CSMD1: variants seen among roughly 807,000 people sequenced by gnomAD.
CSMD1 encodes the protein CUB and sushi domain-containing protein 1.
CSMD1 carries 213 observed loss-of-function variants against 417.5 expected under a neutral mutation model. The ratio of observed to expected loss-of-function variants is 0.51; its 90% CI spans 0.46 to 0.57. The LOEUF (loss-of-function observed/expected upper bound fraction) is 0.57, where lower values mean the gene tolerates loss of function less well. CSMD1 is among the 20% of genes least tolerant of loss of function. The pLI, the probability that CSMD1 is intolerant of heterozygous loss-of-function variation, is 0.00. For missense variants in CSMD1, 6,923 were observed against 4,529.7 expected (o/e 1.53, Z -15.17); for synonymous variants, 2,862 against 1,736.8 (o/e 1.65, Z -16.11).
intron 42 of CSMD1, among the ~76,000 whole-genome samples, chr8:3,117,086 TTTGAGACAG>T (rs1816918075): frequency 6.6e-6 from 1 of 152,108 alleles, no homozygotes; most frequent in South Asian, 2.1e-4. Context: ...ATTTATTTAT[TTTGAGACAG>T]AGTCTCACTC....
chr8:4,412,453 G>T (rs1198803024), intron 3 of CSMD1, among the ~76,000 whole-genome samples: 1 of 152,170 alleles, frequency 6.6e-6, no homozygotes, highest in African/African-American at 2.4e-5. Context: ...GGCCTCAACA[G>T]AAGCCGGGCA....
chr8:4,947,614 G>C (rs147781704), intron 1 of CSMD1, among the ~76,000 whole-genome samples: 5 of 151,904 alleles, frequency 3.3e-5, no homozygotes, highest in African/African-American at 1.2e-4. Context: ...GTAAACTTAC[G>C]GCATTCTTCT....
chr8:4,632,564 G>A (rs748602686), intron 2 of CSMD1, among the ~76,000 whole-genome samples: 2 of 152,196 alleles, frequency 1.3e-5, no homozygotes, highest in South Asian at 4.1e-4. Flanking sequence ...CACAGGAGAA[G>A]ACACATTCAG....
At chr8:4,177,145 C>G (rs186804298) in intron 3 of CSMD1, among the ~76,000 whole-genome samples, 133 of 152,230 alleles carry the variant, frequency 8.7e-4, no homozygotes, top group African/African-American at 3.2e-3. Flanking sequence ...CAGCACCACA[C>G]CACACCTATT....
chr8:3,088,301 C>A (rs541960865), intron 48 of CSMD1, among the ~76,000 whole-genome samples: 2 of 152,186 alleles, frequency 1.3e-5, no homozygotes, highest in African/African-American at 2.4e-5. Context: ...CACTACTACA[C>A]AAAATCCTAG....
At chr8:3,951,000 C>G (rs2912291) in intron 5 of CSMD1, among the ~76,000 whole-genome samples, 42,567 of 152,122 alleles carry the variant, frequency 0.28, 6,534 homozygotes, top group Non-Finnish European at 0.34. Context: ...CATAATTCAA[C>G]TGAGCCCCGT....
At chr8:4,693,057 C>G (rs1806878330) in intron 1 of CSMD1, among the ~76,000 whole-genome samples, 1 of 152,206 alleles carries the variant, frequency 6.6e-6, no homozygotes, top group Admixed American at 6.5e-5. Context: ...TGCTGTGATA[C>G]TGACTACACT....
chr8:4,286,536 C>T (rs1341060834), intron 3 of CSMD1, among the ~76,000 whole-genome samples: 1 of 152,048 alleles, frequency 6.6e-6, no homozygotes, highest in Non-Finnish European at 1.5e-5. Flanking sequence ...AATATGGTCT[C>T]ATCATTAAGA....
intron 56 of CSMD1, among the ~76,000 whole-genome samples, chr8:2,974,019 G>C (rs1203272742): frequency 1.4e-5 from 2 of 144,518 alleles, no homozygotes; most frequent in African/African-American, 2.7e-5. Flanking sequence ...TGATGGTAGA[G>C]GATGATGGTA....
chr8:3,906,674 A>G (rs1242446997), intron 5 of CSMD1, among the ~76,000 whole-genome samples: 1 of 151,964 alleles, frequency 6.6e-6, no homozygotes, highest in African/African-American at 2.4e-5. Flanking sequence ...CAGCAGAGAG[A>G]AAATAACTAT....
intron 1 of CSMD1, among the ~76,000 whole-genome samples, chr8:4,890,537 C>G (rs939366861): frequency 6.8e-6 from 1 of 147,690 alleles, no homozygotes; most frequent in Non-Finnish European, 1.5e-5. Context: ...ACTCTGACAC[C>G]CTCCTCTCCT....
chr8:3,466,454 G>T (rs964476007), intron 12 of CSMD1, among the ~76,000 whole-genome samples: 1 of 151,830 alleles, frequency 6.6e-6, no homozygotes, highest in South Asian at 2.1e-4. Context: ...CTGTTGCCTA[G>T]GCTGGAGTGC....
Position 4,637,328 on chromosome 8 carries a change from A to T in CSMD1, c.302+14T>A. On this transcript the variant is annotated intron_variant, in intron 2 of 69. Transcript: ENST00000635120. ...AAACAGTGCTAACTGTAATATAAAA[A>T]GTTGATACCTTACCTCACTTTTAAA... is the stretch of plus-strand genomic sequence containing the variant. 3 of 1,583,192 alleles carry T rather than the reference A, an allele frequency of 1.9e-6. No homozygotes were observed. The highest frequency in any genetic ancestry group is 2.6e-6 in the Non-Finnish European group (3 of 1,152,532).
At chr8:3,304,659 A>T (rs1042817142) in intron 25 of CSMD1, among the ~76,000 whole-genome samples, 33 of 152,286 alleles carry the variant, frequency 2.2e-4, no homozygotes, top group African/African-American at 7.2e-4. Context: ...ACGTATACGA[A>T]GAAAATTTTT....
intron 3 of CSMD1, among the ~76,000 whole-genome samples, chr8:4,301,034 A>G (rs951999462): frequency 2.0e-5 from 3 of 152,178 alleles, no homozygotes; most frequent in African/African-American, 7.2e-5. Context: ...TAAGATTAGG[A>G]AACAAAAAGA....
intron 3 of CSMD1, among the ~76,000 whole-genome samples, chr8:4,134,679 T>C (rs1262481078): frequency 2.6e-5 from 4 of 152,194 alleles, no homozygotes; most frequent in Non-Finnish European, 5.9e-5. Context: ...TTTCCATCCC[T>C]ACCGCCTTTG....
At chr8:4,962,415 C>A (rs567028038) in intron 1 of CSMD1, among the ~76,000 whole-genome samples, 1 of 152,126 alleles carries the variant, frequency 6.6e-6, no homozygotes, top group South Asian at 2.1e-4. Context: ...CTTTCTATGT[C>A]GCCAAAGCTG....
intron 37 of CSMD1, 134 bp downstream of exon 37, chr8:3,180,976 T>A (rs990688649): frequency 1.2e-5 from 8 of 653,908 alleles, no homozygotes; most frequent in African/African-American, 1.8e-5. Flanking sequence ...TTCATAACAC[T>A]AAATTTCATG....
chr8:3,292,129 G>C (rs1473191210), intron 25 of CSMD1, among the ~76,000 whole-genome samples: 1 of 152,100 alleles, frequency 6.6e-6, no homozygotes, highest in Non-Finnish European at 1.5e-5. Context: ...CCATATAGTT[G>C]AGCAGTGTTG....
Sources: gnomAD v4.1 joint callset for allele counts (sites outside exome capture counted in the v4.1 genomes callset) on GRCh38, gnomAD v4.1.1 for gene constraint, MANE v1.5 for transcripts, NCBI Gene and HGNC (gene_info 2026-07-23, HGNC 2026-07-21) for gene names.